Variants in LYPLAL1 observed in about 807,000 individuals in gnomAD.
The protein encoded by LYPLAL1 is lysophospholipase like 1, also known as lysophospholipase-like protein 1.
LYPLAL1 carries 23 observed loss-of-function variants against 19.7 expected under a neutral mutation model. The observed-to-expected ratio is 1.17, with a 90% CI of 0.84 to 1.65. The LOEUF (loss-of-function observed/expected upper bound fraction) is 1.65, where lower values mean the gene tolerates loss of function less well. LYPLAL1 is among the 40% of genes most tolerant of loss of function. LYPLAL1 has a pLI of 0.00. For missense variants in LYPLAL1, 355 were observed against 279.4 expected (o/e 1.27, Z -1.93); for synonymous variants, 119 against 96.3 (o/e 1.24, Z -1.38).
the LYPLAL1 span, among the ~76,000 whole-genome samples, chr1:219,443,638 T>G: frequency 1.3e-5 from 2 of 150,870 alleles, no homozygotes; most frequent in African/African-American, 4.9e-5. Flanking sequence ...CTAACCGATC[T>G]AAACAAGAGT....
intron 2 of LYPLAL1, among the ~76,000 whole-genome samples, chr1:219,182,235 A>C (rs1300956430): frequency 6.9e-6 from 1 of 144,922 alleles, no homozygotes; most frequent in Non-Finnish European, 1.5e-5. Context: ...ACTGGTTTCC[A>C]GACTTCAGAA....
the LYPLAL1 span, among the ~76,000 whole-genome samples, chr1:219,397,580 A>G: frequency 6.6e-6 from 1 of 152,128 alleles, no homozygotes; most frequent in Non-Finnish European, 1.5e-5. Flanking sequence ...ATATGTGTGG[A>G]TTTGATCCTG....
the LYPLAL1 span, among the ~76,000 whole-genome samples, chr1:219,368,278 C>T: frequency 6.6e-6 from 1 of 152,094 alleles, no homozygotes; most frequent in Non-Finnish European, 1.5e-5. Flanking sequence ...CTTTGGTAGT[C>T]CCAAAAACCA....
the LYPLAL1 span, among the ~76,000 whole-genome samples, chr1:219,256,043 T>A: frequency 0.26 from 39,954 of 151,618 alleles, 5,448 homozygotes; most frequent in Non-Finnish European, 0.31. Context: ...CTTTTTGTAA[T>A]ATTCTCATCA....
At chr1:219,420,874 T>A in the LYPLAL1 span, among the ~76,000 whole-genome samples, 1 of 152,226 alleles carries the variant, frequency 6.6e-6, no homozygotes, top group African/African-American at 2.4e-5. Context: ...GAATTTCATA[T>A]AAGTAGATGT....
intron 2 of LYPLAL1, among the ~76,000 whole-genome samples, chr1:219,188,115 T>G (rs1016733827): frequency 6.6e-6 from 1 of 151,852 alleles, no homozygotes; most frequent in Non-Finnish European, 1.5e-5. Context: ...TACTGAAATT[T>G]ATTCAGCAAA....
chr1:219,311,944 A>G, the LYPLAL1 span, among the ~76,000 whole-genome samples: 16 of 152,188 alleles, frequency 1.1e-4, no homozygotes, highest in Non-Finnish European at 5.9e-5. Context: ...TACATTAAAA[A>G]TATATATTGT....
chr1:219,408,899 A>G, the LYPLAL1 span, among the ~76,000 whole-genome samples: 1 of 152,188 alleles, frequency 6.6e-6, no homozygotes, highest in Non-Finnish European at 1.5e-5. Flanking sequence ...TGAATTCTCT[A>G]TTGAGGATTT....
chr1:219,289,373 T>C, the LYPLAL1 span, among the ~76,000 whole-genome samples: 5 of 152,272 alleles, frequency 3.3e-5, no homozygotes, highest in South Asian at 8.3e-4. Flanking sequence ...TGCTGTATAT[T>C]TATATTCTTC....
the LYPLAL1 span, among the ~76,000 whole-genome samples, chr1:219,343,619 G>A: frequency 5.3e-5 from 8 of 152,216 alleles, 1 homozygote; most frequent in Admixed American, 3.9e-4. Context: ...TAGGGATCTG[G>A]GATAGACCTC....
At chr1:219,402,752 A>G in the LYPLAL1 span, among the ~76,000 whole-genome samples, 3 of 152,182 alleles carry the variant, frequency 2.0e-5, no homozygotes, top group Non-Finnish European at 4.4e-5. Flanking sequence ...TCACATAAAT[A>G]CATATTAATT....
At chr1:219,238,304 A>ATTTTTTTTT in the LYPLAL1 span, among the ~76,000 whole-genome samples, 78 of 81,876 alleles carry the variant, frequency 9.5e-4, 5 homozygotes, top group African/African-American at 4.0e-3. Context: ...CGCCCGGCTA[A>ATTTTTTTTT]TTTTTTTTTT....
intron 3 of LYPLAL1, among the ~76,000 whole-genome samples, chr1:219,204,119 C>A (rs1271894620): frequency 6.6e-6 from 1 of 152,066 alleles, no homozygotes; most frequent in Non-Finnish European, 1.5e-5. Flanking sequence ...CCTCACTCTG[C>A]ACATTAGGAA....
the LYPLAL1 span, among the ~76,000 whole-genome samples, chr1:219,221,989 C>T: frequency 6.6e-6 from 1 of 152,148 alleles, no homozygotes; most frequent in Non-Finnish European, 1.5e-5. Flanking sequence ...CATATCCTCG[C>T]CCTATGGGAC....
chr1:219,267,146 A>G, the LYPLAL1 span, among the ~76,000 whole-genome samples: 2 of 152,140 alleles, frequency 1.3e-5, no homozygotes, highest in African/African-American at 4.8e-5. Context: ...CACTGAATCA[A>G]TTCTCTTTGT....
intron 1 of LYPLAL1, among the ~76,000 whole-genome samples, chr1:219,177,052 A>C (rs1188942707): frequency 1.3e-5 from 2 of 152,258 alleles, no homozygotes; most frequent in Non-Finnish European, 2.9e-5. Flanking sequence ...CAGTGTTACA[A>C]TTTTAAATAA....
the LYPLAL1 span, among the ~76,000 whole-genome samples, chr1:219,333,851 G>A: frequency 5.3e-5 from 8 of 152,064 alleles, no homozygotes; most frequent in Admixed American, 3.9e-4. Context: ...TCACCAGCTA[G>A]CACCTTGTCC....
the LYPLAL1 span, among the ~76,000 whole-genome samples, chr1:219,353,281 T>A: frequency 6.6e-6 from 1 of 152,152 alleles, no homozygotes. Context: ...CAATACCAGA[T>A]AGGAGGTAAC....
At chr1:219,398,561 G>A in the LYPLAL1 span, among the ~76,000 whole-genome samples, 3 of 152,084 alleles carry the variant, frequency 2.0e-5, no homozygotes, top group East Asian at 3.9e-4. Context: ...GGTCATTTCA[G>A]CCACCTCAGC....
Sources: gnomAD v4.1 joint callset for allele counts (sites outside exome capture counted in the v4.1 genomes callset) on GRCh38, gnomAD v4.1.1 for gene constraint, MANE v1.5 for transcripts, NCBI Gene and HGNC (gene_info 2026-07-23, HGNC 2026-07-21) for gene names.